Variants in FAM171B observed in about 807,000 individuals in gnomAD.
FAM171B encodes protein FAM171B.
A neutral mutation model predicts 75.6 loss-of-function variants in FAM171B; 19 were observed. The observed-to-expected ratio is 0.25, with a 90% CI of 0.18 to 0.37. The LOEUF is 0.37. Ranked by LOEUF, FAM171B falls within the 10% of genes least tolerant of loss-of-function variation. The pLI is 1.00. For synonymous variants in FAM171B, 367 were observed against 361.7 expected, an observed-to-expected ratio of 1.01 and a Z score of -0.17; for missense variants, 848 against 982.4, an observed-to-expected ratio of 0.86 and a Z score of 1.83.
intron 1 of FAM171B, among the ~76,000 whole-genome samples, chr2:186,701,406 A>T (rs1689659453): frequency 6.6e-6 from 1 of 152,198 alleles, no homozygotes; most frequent in Non-Finnish European, 1.5e-5. Context: ...ACAGTACAAT[A>T]TTCTAACTAT....
rs1194353629 is a variant in FAM171B, at chr2:186,763,638, G to A, written c.*815G>A. On this transcript the variant is annotated 3_prime_UTR_variant, in exon 8 of 8. Coordinates refer to ENST00000304698, the MANE Select transcript of FAM171B (RefSeq NM_177454.4). Reference sequence around the variant, plus strand: ...AAACAATCTATGACTTTGGTTTAAGGCTCACTGATACTTTTAGGCTAAATT... The same window carrying A: ...AAACAATCTATGACTTTGGTTTAAGACTCACTGATACTTTTAGGCTAAATT... 1 of 151,750 alleles carries A rather than the reference G, an allele frequency of 6.6e-6. No homozygotes were observed. Among genetic ancestry groups the A allele is most frequent in the African/African-American group, 2.4e-5 (1 of 41,314 alleles). The allele number at this position is 151,750 out of a possible 1,614,324, so 9.4% of individuals were successfully genotyped here. A position where few individuals can be genotyped will look rare whatever the true frequency, so the allele number is the denominator to read the frequency against.
At chr2:186,758,681 T>C (rs1453416273) in intron 6 of FAM171B, among the ~76,000 whole-genome samples, 1 of 152,164 alleles carries the variant, frequency 6.6e-6, no homozygotes, top group East Asian at 1.9e-4. Flanking sequence ...TTTTAAATTT[T>C]TTATCTTTAT....
At position 186,761,648 on chromosome 2, in the gene FAM171B, A is replaced by G; in HGVS notation, c.1306A>G (p.Ser436Gly). The G allele has an allele frequency of 6.2e-7, 1 of 1,612,424 alleles. No homozygotes were observed. The highest frequency in any genetic ancestry group is 8.5e-7 in the Non-Finnish European group (1 of 1,179,436). ...QLFNAKNSSY[S>G]PQKKEPSKAE... ...ATTCAATGCCAAAAACTCCTCATAT[A>G]GTCCTCAGAAAAAGGAACCATCAAA... Residue 436 changes from serine to glycine, a missense_variant, in exon 8 of 8, where the codon AGT becomes GGT. Physicochemically the swap from Ser to Gly is moderately conservative, Grantham distance 56. Coordinates refer to ENST00000304698, the MANE Select transcript of FAM171B (RefSeq NM_177454.4).
intron 1 of FAM171B, among the ~76,000 whole-genome samples, chr2:186,696,384 T>C (rs368697496): frequency 1.3e-5 from 2 of 150,710 alleles, no homozygotes; most frequent in African/African-American, 4.9e-5. Flanking sequence ...TTGTGATCTC[T>C]CCATTGAACT....
At chr2:186,705,896 T>C (rs910292255) in intron 1 of FAM171B, among the ~76,000 whole-genome samples, 3 of 152,242 alleles carry the variant, frequency 2.0e-5, no homozygotes, top group African/African-American at 7.2e-5. Flanking sequence ...ATAAATCGCA[T>C]GACTTGAAAT....
chr2:186,732,021 T>G (rs1690123629), intron 1 of FAM171B, among the ~76,000 whole-genome samples: 1 of 152,184 alleles, frequency 6.6e-6, no homozygotes, highest in South Asian at 2.1e-4. Context: ...TATTACAATG[T>G]AATAATAATA....
At chr2:186,745,353 T>C (rs963046045) in intron 3 of FAM171B, among the ~76,000 whole-genome samples, 3 of 152,234 alleles carry the variant, frequency 2.0e-5, no homozygotes, top group African/African-American at 7.2e-5. Flanking sequence ...TAGTTTCTGC[T>C]GGAATACATG....
chr2:186,740,534 T>A (rs1690274778), intron 2 of FAM171B, 73 bp downstream of exon 2: 3 of 1,274,210 alleles, frequency 2.4e-6, no homozygotes, highest in Admixed American at 2.2e-5. Flanking sequence ...GTTTGGGGGA[T>A]ATCTTGTTCT....
intron 1 of FAM171B, among the ~76,000 whole-genome samples, chr2:186,709,239 C>T (rs1689777828): frequency 6.6e-6 from 1 of 152,172 alleles, no homozygotes; most frequent in Non-Finnish European, 1.5e-5. Flanking sequence ...ATCTCCGACA[C>T]TGAGGATTAC....
At chr2:186,733,251 T>C (rs530063735) in intron 1 of FAM171B, among the ~76,000 whole-genome samples, 12 of 152,318 alleles carry the variant, frequency 7.9e-5, no homozygotes, top group Admixed American at 2.6e-4. Flanking sequence ...GATCTATACA[T>C]AGAATACTTG....
rs773149925 is a variant in FAM171B, at chr2:186,764,097, T to G, written c.*1274T>G. 1.3e-5 allele frequency: 2 copies of G among 152,070 alleles called. No individual in the cohort carries two copies. The highest frequency in any genetic ancestry group is 2.9e-5 in the Non-Finnish European group (2 of 67,964). 9.4% of individuals were successfully genotyped at this position (152,070 alleles called of 1,614,324 possible). ...ATTCATACATCCTAAAAATAAAAGC[T>G]CGTTATTCATTAAAATCAACTGATC... On this transcript the variant is annotated 3_prime_UTR_variant, in exon 8 of 8. Transcript: ENST00000304698.
At chr2:186,735,811 A>T (rs1381725877) in intron 1 of FAM171B, among the ~76,000 whole-genome samples, 3 of 152,242 alleles carry the variant, frequency 2.0e-5, no homozygotes, top group Admixed American at 6.5e-5. Context: ...TTATAACAAA[A>T]TACTATTAAT....
chr2:186,737,156 G>T (rs1054895824), intron 1 of FAM171B, among the ~76,000 whole-genome samples: 3 of 152,174 alleles, frequency 2.0e-5, no homozygotes, highest in South Asian at 2.1e-4. Flanking sequence ...GGTGGATGGT[G>T]ACTGACTCCA....
chr2:186,701,492 T>G (rs1009921717), intron 1 of FAM171B, among the ~76,000 whole-genome samples: 1 of 152,200 alleles, frequency 6.6e-6, no homozygotes, highest in East Asian at 1.9e-4. Flanking sequence ...TTGTCCTACA[T>G]CTCACCATTT....
intron 7 of FAM171B, 48 bp from the exon 8 acceptor site, chr2:186,761,431 A>G (rs780988611): frequency 1.3e-6 from 2 of 1,520,652 alleles, no homozygotes; most frequent in Non-Finnish European, 8.8e-7. Context: ...TAAATGAACC[A>G]TTTGTGTCAT....
intron 1 of FAM171B, among the ~76,000 whole-genome samples, chr2:186,737,117 C>A (rs985615449): frequency 2.6e-5 from 4 of 152,192 alleles, no homozygotes; most frequent in South Asian, 4.2e-4. Context: ...GCTAACTTGC[C>A]CAAGGTCACA....
At chr2:186,736,003 A>G (rs1219568036) in intron 1 of FAM171B, among the ~76,000 whole-genome samples, 1 of 152,214 alleles carries the variant, frequency 6.6e-6, no homozygotes, top group African/African-American at 2.4e-5. Flanking sequence ...TGCAAAGCAG[A>G]TGTGTGGATA....
chr2:186,762,924 TG>T lies in FAM171B; in HGVS notation c.*103del. On this transcript the variant is annotated 3_prime_UTR_variant, in exon 8 of 8. Coordinates refer to ENST00000304698, the MANE Select transcript of FAM171B (RefSeq NM_177454.4). The surrounding 1 kb of genome is among the most constrained non-coding windows in gnomAD (Gnocchi z 4.0). ...AAGAAAATGAGACTGAGCAATCTCA[TG>T]GTTCTTGGACATGTCTCAAGCAGAG... 1.4e-6 allele frequency: 2 copies of T among 1,399,918 alleles called. No homozygotes were observed. Among genetic ancestry groups the T allele is most frequent in the Non-Finnish European group, 1.9e-6 (2 of 1,028,142 alleles). 86.7% of individuals were successfully genotyped at this position (1,399,918 alleles called of 1,614,324 possible).
intron 1 of FAM171B, among the ~76,000 whole-genome samples, chr2:186,737,665 A>C (rs1690223576): frequency 6.6e-6 from 1 of 152,212 alleles, no homozygotes; most frequent in South Asian, 2.1e-4. Context: ...TACCTAATGG[A>C]TAAGGCTTTT....
Sources: allele counts gnomAD v4.1 joint callset (sites outside exome capture counted in the v4.1 genomes callset), GRCh38; gene constraint gnomAD v4.1.1; non-coding constraint Gnocchi (gnomAD v3.1); transcripts MANE v1.5; gene names NCBI Gene and HGNC (gene_info 2026-07-23, HGNC 2026-07-21).